SPIRE1: variants seen among roughly 807,000 people sequenced by gnomAD.
The protein encoded by SPIRE1 is spire type actin nucleation factor 1.
SPIRE1 carries 40 observed loss-of-function variants against 94.1 expected under a neutral mutation model. That is an observed-to-expected ratio of 0.43 (90% confidence interval 0.33 to 0.55). SPIRE1 has a LOEUF of 0.55. Ranked by LOEUF, SPIRE1 falls within the 20% of genes least tolerant of loss-of-function variation. The pLI, the probability that SPIRE1 is intolerant of heterozygous loss-of-function variation, is 0.06. For synonymous variants in SPIRE1, 376 were observed against 371.7 expected (o/e 1.01, Z -0.13); for missense variants, 838 against 975.2 (o/e 0.86, Z 1.87).
At chr18:12,638,663 C>A (rs1005203694) in intron 1 of SPIRE1, among the ~76,000 whole-genome samples, 1 of 152,112 alleles carries the variant, frequency 6.6e-6, no homozygotes, top group African/African-American at 2.4e-5. Flanking sequence ...AATTATAATT[C>A]TCAATGTTAG....
In SPIRE1 at chr18:12,506,578, C is replaced by T. The variant is rs761310883; in HGVS notation, c.871G>A (p.Glu291Lys). Reference sequence around the variant, plus strand: ...ATGGGCAAAGGGTTGTACTGCCGCTCTTGGACCTTCTTAAGTTTTACCCCA... The same window carrying T: ...ATGGGCAAAGGGTTGTACTGCCGCTTTTGGACCTTCTTAAGTTTTACCCCA... ...RNGVKLKKVQ[E>K]RQYNPLPIEY... Residue 291 changes from glutamate to lysine, a missense_variant, in exon 6 of 17, where the codon GAG becomes AAG. This residue lies in a region of SPIRE1 where 645 missense variants were observed against 804.7 expected (regional missense o/e 0.80). Transcript: ENST00000409402. 2.5e-6 allele frequency: 4 copies of T among 1,614,008 alleles called. No individual in the cohort carries two copies. The highest frequency in any genetic ancestry group is 2.2e-5 in the East Asian group (1 of 44,902).
chr18:12,557,518 C>T (rs1331315324), intron 2 of SPIRE1, among the ~76,000 whole-genome samples: 1 of 152,124 alleles, frequency 6.6e-6, no homozygotes. Context: ...TTCCCGCCCA[C>T]ACCTCTCTCT....
At chr18:12,513,938 G>A (rs1270663203) in intron 4 of SPIRE1, among the ~76,000 whole-genome samples, 5 of 152,138 alleles carry the variant, frequency 3.3e-5, no homozygotes, top group African/African-American at 1.2e-4. Context: ...CACTTCCTGG[G>A]GCTCCAGTAA....
chr18:12,446,936 G>T lies in SPIRE1; in HGVS notation c.*2702C>A, dbSNP rs1444581957. The T allele has an allele frequency of 1.3e-5, 2 of 152,338 alleles. No individual in the cohort carries two copies. The highest frequency in any genetic ancestry group is 1.3e-4 in the Admixed American group (2 of 15,290). The allele number at this position is 152,338 out of a possible 1,614,324, so 9.4% of individuals were successfully genotyped here. On this transcript the variant is annotated 3_prime_UTR_variant, in exon 17 of 17. Coordinates refer to ENST00000409402, the MANE Select transcript of SPIRE1 (RefSeq NM_001128626.2). ...TTAAGAATTAAAATCTAGTAAGATTGTTAAATCAACGTACGTCAATCATTC... is the reference window on the plus strand; with the variant it reads ...TTAAGAATTAAAATCTAGTAAGATTTTTAAATCAACGTACGTCAATCATTC...
chr18:12,517,398 A>C (rs2034228373), intron 4 of SPIRE1, among the ~76,000 whole-genome samples: 1 of 152,260 alleles, frequency 6.6e-6, no homozygotes, highest in African/African-American at 2.4e-5. Flanking sequence ...TAATCAAACA[A>C]GCTTGATCAA....
chr18:12,542,499 T>C (rs1206080511), intron 3 of SPIRE1, among the ~76,000 whole-genome samples: 1 of 152,164 alleles, frequency 6.6e-6, no homozygotes, highest in East Asian at 1.9e-4. Flanking sequence ...TGTTTTCCCA[T>C]CTGTTCTATA....
intron 2 of SPIRE1, among the ~76,000 whole-genome samples, chr18:12,626,886 A>ATATATATATATATATT (rs55915333): frequency 1.2e-4 from 13 of 111,896 alleles, no homozygotes; most frequent in South Asian, 3.4e-4. Context: ...ATATATATAT[A>ATATATATATATATATT]TTTTTTTTTT....
At chr18:12,600,807 C>T (rs775499598) in intron 2 of SPIRE1, among the ~76,000 whole-genome samples, 1 of 151,998 alleles carries the variant, frequency 6.6e-6, no homozygotes, top group African/African-American at 2.4e-5. Context: ...ACTGCAGCCT[C>T]GACCTCCTGG....
chr18:12,655,632 T>G (rs2038517869), intron 1 of SPIRE1, among the ~76,000 whole-genome samples: 1 of 151,974 alleles, frequency 6.6e-6, no homozygotes, highest in Non-Finnish European at 1.5e-5. Flanking sequence ...TACACTGAGA[T>G]CAACATGTTA....
chr18:12,471,658 C>T (rs547008460), intron 10 of SPIRE1, among the ~76,000 whole-genome samples: 3 of 152,020 alleles, frequency 2.0e-5, no homozygotes, highest in Non-Finnish European at 2.9e-5. Flanking sequence ...TCTCATGTAC[C>T]GTGAGAATAC....
chr18:12,502,711 G>T (rs1425056536), intron 6 of SPIRE1, among the ~76,000 whole-genome samples: 2 of 152,138 alleles, frequency 1.3e-5, no homozygotes, highest in Admixed American at 1.3e-4. Context: ...TTTGCATTTG[G>T]ATGTTCATCA....
chr18:12,594,005 A>G (rs1417085548), intron 2 of SPIRE1, among the ~76,000 whole-genome samples: 1 of 152,192 alleles, frequency 6.6e-6, no homozygotes, highest in Non-Finnish European at 1.5e-5. Flanking sequence ...AAGCAGACTG[A>G]GTTTTTCCCT....
At chr18:12,469,471 C>T (rs932020900) in intron 10 of SPIRE1, among the ~76,000 whole-genome samples, 6 of 150,802 alleles carry the variant, frequency 4.0e-5, no homozygotes, top group Non-Finnish European at 7.4e-5. Context: ...GCTGGGTTTA[C>T]AGATGTAAGC....
At chr18:12,535,156 G>A (rs1399790136) in intron 4 of SPIRE1, among the ~76,000 whole-genome samples, 1 of 152,196 alleles carries the variant, frequency 6.6e-6, no homozygotes, top group Non-Finnish European at 1.5e-5. Context: ...CAGAAGAGAA[G>A]AGCGACAGAA....
At chr18:12,607,972 C>T (rs1027229415) in intron 2 of SPIRE1, among the ~76,000 whole-genome samples, 3 of 151,906 alleles carry the variant, frequency 2.0e-5, no homozygotes, top group Non-Finnish European at 2.9e-5. Flanking sequence ...CTGGCTAACA[C>T]GGTGAAACCC....
chr18:12,602,378 T>G (rs896933527), intron 2 of SPIRE1, among the ~76,000 whole-genome samples: 18 of 152,198 alleles, frequency 1.2e-4, no homozygotes, highest in African/African-American at 3.6e-4. Flanking sequence ...AAATGCTTGA[T>G]GTTCATTTTT....
chr18:12,453,084 AG>A lies in SPIRE1; in HGVS notation c.1830del (p.Cys611ValfsTer43). 1 of 1,594,324 alleles carries A rather than the reference AG, an allele frequency of 6.3e-7. No individual in the cohort carries two copies. Among genetic ancestry groups the A allele is most frequent in the Non-Finnish European group, 8.5e-7 (1 of 1,174,468 alleles). ...RRFSFFTWSY[T>X]CQFCKRPVCS... ...ATACCTTACCTCTTACAGAACTGAC[AG>A]GTATAAGACCAAGTGAAGAAGGAAA... On this transcript the variant is annotated frameshift_variant, in exon 14 of 17. Transcript: ENST00000409402. LOFTEE classifies it high-confidence loss of function.
chr18:12,476,711 T>C (rs1467746365), intron 10 of SPIRE1, among the ~76,000 whole-genome samples: 1 of 150,710 alleles, frequency 6.6e-6, no homozygotes, highest in African/African-American at 2.4e-5. Flanking sequence ...AGGAATTATG[T>C]ATATATTTAA....
intron 2 of SPIRE1, among the ~76,000 whole-genome samples, chr18:12,593,942 C>G (rs532827249): frequency 7.3e-6 from 1 of 136,872 alleles, no homozygotes; most frequent in Admixed American, 7.3e-5. Context: ...AAGAGAGAAA[C>G]GCTGTCTCAA....
Sources: gnomAD v4.1 joint callset for allele counts (sites outside exome capture counted in the v4.1 genomes callset) on GRCh38, gnomAD v4.1.1 for gene constraint, gnomAD v4.1.1 regional missense constraint, MANE v1.5 for transcripts, NCBI Gene and HGNC (gene_info 2026-07-23, HGNC 2026-07-21) for gene names.